RPAP3: variants seen among roughly 807,000 people sequenced by gnomAD.
The protein encoded by RPAP3 is RNA polymerase II associated protein 3.
Under a neutral mutation model 88.8 loss-of-function variants are expected in RPAP3, and 58 were observed. That is an observed-to-expected ratio of 0.65 (90% CI 0.53 to 0.81). The LOEUF is 0.81. RPAP3 is among the 40% of genes least tolerant of loss of function. The probability of loss-of-function intolerance (pLI) is 0.00; values close to 1 mark genes in which losing one functional copy is unlikely to be tolerated. For synonymous variants in RPAP3, 255 were observed against 259.9 expected (o/e 0.98, Z 0.18); for missense variants, 751 against 764.3 (o/e 0.98, Z 0.20).
chr12:47,683,849 G>A lies in RPAP3; in HGVS notation c.993-2032C>T, dbSNP rs993721496. 4.6e-5 allele frequency among the ~76,000 whole-genome samples: 7 copies of A among 151,988 alleles called. No individual in the cohort carries two copies. The East Asian group carries it at 7.7e-4, about 17-fold the overall frequency. ...CTACTCTGGCTCTAGTGTAAATGCC[G>A]CCCCTAATCACCATTAAGTGAACCA... On this transcript the variant is annotated intron_variant, in intron 9 of 16. Transcript: ENST00000005386.
Position 47,696,354 on chromosome 12 carries a change from T to C in RPAP3, c.467A>G (p.Tyr156Cys). Residue 156 changes from tyrosine to cysteine, a missense_variant, in exon 5 of 17, where the codon TAC becomes TGC. Physicochemically the swap from Tyr to Cys is radical, Grantham distance 194. Transcript: ENST00000005386. The stretch of plus-strand genomic sequence containing the variant: ...TGGATCGGCATCCATGCCTTTTGTG[T>C]AGCAGTCAATTGCTTCATCATATTT... ...QGKYDEAIDC[Y>C]TKGMDADPYN... The C allele has an allele frequency of 6.2e-7, 1 of 1,601,788 alleles. No homozygotes were observed. Among genetic ancestry groups the C allele is most frequent in the Non-Finnish European group, 8.5e-7 (1 of 1,172,700 alleles).
At chr12:47,680,454 C>T (rs530010764) in intron 10 of RPAP3, among the ~76,000 whole-genome samples, 3 of 151,788 alleles carry the variant, frequency 2.0e-5, no homozygotes, top group South Asian at 2.1e-4. Context: ...ATAAATTTAA[C>T]GTTACATATT....
chr12:47,679,316 C>T (rs1347851754), intron 12 of RPAP3, among the ~76,000 whole-genome samples, 177 bp downstream of exon 12: 1 of 151,946 alleles, frequency 6.6e-6, no homozygotes, highest in Non-Finnish European at 1.5e-5. Context: ...TTGATGGGTG[C>T]AGCAAACCAA....
chr12:47,678,019 C>T (rs1021519566), intron 12 of RPAP3, among the ~76,000 whole-genome samples: 3 of 152,104 alleles, frequency 2.0e-5, no homozygotes, highest in African/African-American at 4.8e-5. Flanking sequence ...CTACAATAAC[C>T]GAAACAGCAT....
intron 12 of RPAP3, among the ~76,000 whole-genome samples, chr12:47,677,250 A>G (rs1011075429): frequency 1.3e-5 from 2 of 152,170 alleles, no homozygotes; most frequent in Non-Finnish European, 1.5e-5. Context: ...TCTCAAAATA[A>G]TAAGAGCTAT....
chr12:47,696,459 T>C (rs1254773154), intron 4 of RPAP3, 56 bp from the exon 5 acceptor site: 1 of 1,376,532 alleles, frequency 7.3e-7, no homozygotes, highest in South Asian at 1.4e-5. Context: ...TTCACTACAG[T>C]TGACCCTTGA....
intron 12 of RPAP3, among the ~76,000 whole-genome samples, chr12:47,675,819 A>G (rs1039705908): frequency 2.6e-5 from 4 of 152,218 alleles, no homozygotes; most frequent in Non-Finnish European, 4.4e-5. Flanking sequence ...CCCCACTGTC[A>G]ATATTGGACA....
Position 47,701,531 on chromosome 12 carries a change from GT to G in RPAP3, c.226del (p.Thr76ProfsTer10). 9 of 1,597,678 alleles carry G rather than the reference GT, an allele frequency of 5.6e-6. No individual in the cohort carries two copies. The highest frequency in any genetic ancestry group is 2.3e-5 in the East Asian group (1 of 43,722). On this transcript the variant is annotated frameshift_variant, in exon 3 of 17. Transcript: ENST00000005386. LOFTEE classifies it high-confidence loss of function. ...KGKAKESSKKTREENTKNRIK... is the reference protein window; with the variant it reads ...KGKAKESSKKXREENTKNRIK... Reference sequence around the variant, plus strand: ...CCTGTTTTTTGTGTTTTCCTCTCTGGTTTTTTTGGAAGACTCTTTAGCTTTG... The same window carrying G: ...CCTGTTTTTTGTGTTTTCCTCTCTGGTTTTTTGGAAGACTCTTTAGCTTTG...
chr12:47,699,357 T>C (rs1297096278), intron 3 of RPAP3: 1 of 152,154 alleles, frequency 6.6e-6, no homozygotes, highest in Non-Finnish European at 1.5e-5. Context: ...ACAGGCTATA[T>C]AACAAAAAGT....
At position 47,701,543 on chromosome 12, in the gene RPAP3, G is replaced by A; in HGVS notation, c.215C>T (p.Ser72Phe). The change falls in exon 3 of 17, where the codon TCT (serine) becomes TTT (phenylalanine). Residue 72 changes from serine to phenylalanine, a missense_variant. Ser to Phe is a radical substitution (Grantham distance 155). Transcript: ENST00000005386. ...GTTTTCCTCTCTGGTTTTTTTGGAA[G>A]ACTCTTTAGCTTTGCCTTTCTTCTT... ...RKKKKGKAKESSKKTREENTK... is the reference protein window; with the variant it reads ...RKKKKGKAKEFSKKTREENTK... The A allele has an allele frequency of 6.2e-7, 1 of 1,600,624 alleles. No homozygotes were observed. The highest frequency in any genetic ancestry group is 8.5e-7 in the Non-Finnish European group (1 of 1,174,030).
chr12:47,702,955 G>T, intron 1 of RPAP3, 109 bp from the exon 2 acceptor site: 1 of 662,116 alleles, frequency 1.5e-6, no homozygotes, highest in Non-Finnish European at 2.3e-6. Flanking sequence ...CAAGATACAT[G>T]GACAGAAGAC....
chr12:47,677,195 C>T (rs921232063), intron 12 of RPAP3, among the ~76,000 whole-genome samples: 1 of 152,172 alleles, frequency 6.6e-6, no homozygotes, highest in Non-Finnish European at 1.5e-5. Context: ...TTCAACAGTG[C>T]TTCATGCTAA....
chr12:47,678,871 C>T (rs1268026322), intron 12 of RPAP3, among the ~76,000 whole-genome samples: 1 of 152,188 alleles, frequency 6.6e-6, no homozygotes, highest in Non-Finnish European at 1.5e-5. Context: ...ACTAGAATTA[C>T]CATTTGACCC....
chr12:47,701,645 CT>C, intron 2 of RPAP3, 41 bp from the exon 3 acceptor site: 1 of 1,423,960 alleles, frequency 7.0e-7, no homozygotes, highest in Non-Finnish European at 9.3e-7. Context: ...GAGTATTATG[CT>C]CTGTTACTCT....
rs747073599 is a variant in RPAP3 at position 47,663,624 on chromosome 12, T to G, written c.1913-34A>C. The G allele has an allele frequency of 2.6e-5, 35 of 1,340,796 alleles. 4 individuals are homozygous for G. In the South Asian group the frequency reaches 4.8e-4, roughly 18 times the overall value. 83.1% of individuals were successfully genotyped at this position (1,340,796 alleles called of 1,614,324 possible). ...GAAAAAGAAATTCTCCATTTTAATC[T>G]CATTTTTTAAAAACCAAGCAAAATG... On this transcript the variant is annotated intron_variant, in intron 16 of 16. Transcript: ENST00000005386.
intron 5 of RPAP3, among the ~76,000 whole-genome samples, chr12:47,695,250 G>A (rs2136639034): frequency 6.6e-6 from 1 of 151,682 alleles, no homozygotes; most frequent in East Asian, 2.0e-4. Context: ...TACAATGAGA[G>A]CTCTAGAGCT....
At chr12:47,685,691 T>C (rs1939309118) in intron 9 of RPAP3, among the ~76,000 whole-genome samples, 2 of 152,252 alleles carry the variant, frequency 1.3e-5, no homozygotes, top group African/African-American at 4.8e-5. Flanking sequence ...GTGGAAGATG[T>C]GTCGAGGATC....
chr12:47,685,502 A>G (rs1232949697), intron 9 of RPAP3, among the ~76,000 whole-genome samples: 2 of 152,120 alleles, frequency 1.3e-5, no homozygotes, highest in Non-Finnish European at 2.9e-5. Flanking sequence ...GCTTATTTGC[A>G]TGTGATTGCA....
intron 12 of RPAP3, among the ~76,000 whole-genome samples, chr12:47,670,886 T>C (rs918488209): frequency 6.6e-6 from 1 of 152,192 alleles, no homozygotes; most frequent in African/African-American, 2.4e-5. Context: ...AGCAGTATTG[T>C]GGACTAACTG....
Sources: gnomAD v4.1 joint callset for allele counts (sites outside exome capture counted in the v4.1 genomes callset) on GRCh38, gnomAD v4.1.1 for gene constraint, MANE v1.5 for transcripts, NCBI Gene and HGNC (gene_info 2026-07-23, HGNC 2026-07-21) for gene names.